The following SLCO1B3 variants were observed in gnomAD, a reference collection of about 807,000 sequenced individuals.
The protein encoded by SLCO1B3 is liver-specific organic anion transporter 2.
SLCO1B3 carries 72 observed loss-of-function variants against 71.8 expected under a neutral mutation model. That is an observed-to-expected ratio of 1.00 (90% CI 0.83 to 1.22). The LOEUF is 1.22. Ranked by LOEUF, SLCO1B3 falls within the 50% of genes most tolerant of loss-of-function variation. The pLI is 0.00. For synonymous variants in SLCO1B3, 298 were observed against 278.4 expected (o/e 1.07, Z -0.70); for missense variants, 911 against 819.7 (o/e 1.11, Z -1.36).
intron 3 of SLCO1B3, among the ~76,000 whole-genome samples, chr12:20,818,819 G>A (rs1316652609): frequency 9.2e-5 from 12 of 130,152 alleles, no homozygotes; most frequent in Non-Finnish European, 6.7e-5. Flanking sequence ...TGGGGAAATG[G>A]GATGAACATC....
At chr12:20,811,160 A>C (rs923172651) in intron 1 of SLCO1B3, among the ~76,000 whole-genome samples, 1 of 152,136 alleles carries the variant, frequency 6.6e-6, no homozygotes, top group Admixed American at 6.6e-5. Flanking sequence ...CTTTGATTTC[A>C]CTTTAACTGG....
intron 13 of SLCO1B3, among the ~76,000 whole-genome samples, chr12:20,888,224 A>G (rs1293269427): frequency 6.6e-6 from 1 of 151,858 alleles, no homozygotes; most frequent in Non-Finnish European, 1.5e-5. Context: ...GTTCCGTATG[A>G]ATTTTAGGAT....
intron 8 of SLCO1B3, among the ~76,000 whole-genome samples, chr12:20,866,069 C>T (rs1166767286): frequency 2.0e-5 from 3 of 152,016 alleles, no homozygotes; most frequent in South Asian, 2.1e-4. Flanking sequence ...GTGTTTTCTG[C>T]GTATTTTTCA....
chr12:20,898,431 T>G lies in SLCO1B3; in HGVS notation c.1683-5T>G. On this transcript the variant is annotated splice_polypyrimidine_tract_variant and splice_region_variant and intron_variant, in intron 13 of 15. Coordinates refer to ENST00000381545, the MANE Select transcript of SLCO1B3 (RefSeq NM_019844.4). Reference sequence around the variant, plus strand: ...TATTATTTCTTTGCCTTTATCATATTTCAGGATTGTTCAACCTGAATTGAA... The same window carrying G: ...TATTATTTCTTTGCCTTTATCATATGTCAGGATTGTTCAACCTGAATTGAA... 1 of 1,583,058 alleles carries G rather than the reference T, an allele frequency of 6.3e-7. No homozygotes were observed. Among genetic ancestry groups the G allele is most frequent in the Non-Finnish European group, 8.7e-7 (1 of 1,154,720 alleles).
rs1348249507 is a variant in SLCO1B3, at chr12:20,880,888, A to G, written c.1365A>G (p.Pro455=). The G allele has an allele frequency of 1.2e-6, 2 of 1,609,518 alleles. No individual in the cohort carries two copies. The highest frequency in any genetic ancestry group is 2.7e-5 in the African/African-American group (2 of 74,764). ...CAGTGGCATCTCATGTAGATGTACC[A>G]CTTTCTTATTGCAACTCAGAGTGCA... ...NNSVASHVDV[P]LSYCNSECNC... Residue 455 remains proline, a synonymous_variant, in exon 12 of 16, where the codon CCA becomes CCG. Transcript: ENST00000381545.
intron 3 of SLCO1B3, among the ~76,000 whole-genome samples, chr12:20,844,124 A>G (rs993398717): frequency 4.6e-5 from 7 of 152,018 alleles, no homozygotes; most frequent in Admixed American, 1.3e-4. Context: ...TATATATAGT[A>G]TATAAGTTGT....
intron 3 of SLCO1B3, among the ~76,000 whole-genome samples, chr12:20,852,905 T>G (rs547657707): frequency 2.0e-5 from 3 of 152,240 alleles, no homozygotes; most frequent in African/African-American, 7.2e-5. Flanking sequence ...TGAATGCATT[T>G]TATTTCTTTT....
At chr12:20,857,515 G>A (rs1865166012) in intron 4 of SLCO1B3, among the ~76,000 whole-genome samples, 1 of 151,064 alleles carries the variant, frequency 6.6e-6, no homozygotes, top group South Asian at 2.1e-4. Flanking sequence ...GTTCTAATTT[G>A]TAAATTTTTA....
intron 3 of SLCO1B3, among the ~76,000 whole-genome samples, chr12:20,819,433 C>A (rs893946519): frequency 6.6e-6 from 1 of 152,014 alleles, no homozygotes; most frequent in South Asian, 2.1e-4. Context: ...CAGGGTCAGT[C>A]CAAGTGAAAG....
At chr12:20,890,376 ATAT>A (rs960398782) in intron 13 of SLCO1B3, among the ~76,000 whole-genome samples, 3 of 152,132 alleles carry the variant, frequency 2.0e-5, no homozygotes, top group Non-Finnish European at 4.4e-5. Context: ...AAGGTACTTG[ATAT>A]TATTTTGAGT....
chr12:20,867,311 A>G (rs1327924916), intron 8 of SLCO1B3, among the ~76,000 whole-genome samples: 5 of 152,204 alleles, frequency 3.3e-5, no homozygotes, highest in African/African-American at 1.2e-4. Context: ...TTATGTAAAA[A>G]GCCACAAAAG....
intron 3 of SLCO1B3, among the ~76,000 whole-genome samples, chr12:20,840,148 T>G (rs1367208277): frequency 1.3e-5 from 2 of 152,208 alleles, no homozygotes; most frequent in Non-Finnish European, 2.9e-5. Context: ...CTGCCATATG[T>G]GAGTTTGGTC....
intron 3 of SLCO1B3, among the ~76,000 whole-genome samples, chr12:20,829,415 C>A (rs920447956): frequency 4.6e-5 from 7 of 151,942 alleles, no homozygotes; most frequent in Non-Finnish European, 8.8e-5. Context: ...TGTTGGTCTC[C>A]TTCATCATCA....
At chr12:20,882,624 G>A (rs909905012) in intron 12 of SLCO1B3, among the ~76,000 whole-genome samples, 31 of 151,972 alleles carry the variant, frequency 2.0e-4, no homozygotes, top group African/African-American at 5.1e-4. Context: ...CAGGCTGGTC[G>A]CAAACTCGTG....
chr12:20,829,798 G>A (rs1864502059), intron 3 of SLCO1B3, among the ~76,000 whole-genome samples: 1 of 152,088 alleles, frequency 6.6e-6, no homozygotes, highest in African/African-American at 2.4e-5. Context: ...CTAAACAAGG[G>A]GTGGATTATT....
intron 14 of SLCO1B3, among the ~76,000 whole-genome samples, chr12:20,899,466 A>T (rs1866083717): frequency 6.6e-6 from 1 of 152,218 alleles, no homozygotes; most frequent in Non-Finnish European, 1.5e-5. Flanking sequence ...CTCTATGGCC[A>T]AATTACCGTG....
intron 15 of SLCO1B3, among the ~76,000 whole-genome samples, chr12:20,915,511 A>G (rs1440004502): frequency 6.6e-6 from 1 of 152,168 alleles, no homozygotes; most frequent in Non-Finnish European, 1.5e-5. Flanking sequence ...GTCTTTTAGT[A>G]TGTGACTTGC....
chr12:20,829,165 A>T (rs1212977952), intron 3 of SLCO1B3, among the ~76,000 whole-genome samples: 1 of 152,212 alleles, frequency 6.6e-6, no homozygotes, highest in African/African-American at 2.4e-5. Context: ...AGTCAAACAA[A>T]CAGACAATTG....
chr12:20,846,851 C>G (rs958263482), intron 3 of SLCO1B3, among the ~76,000 whole-genome samples: 5 of 151,468 alleles, frequency 3.3e-5, no homozygotes, highest in Non-Finnish European at 7.4e-5. Flanking sequence ...CCGTATTACA[C>G]TAATGAACAG....
Sources: allele counts gnomAD v4.1 joint callset (sites outside exome capture counted in the v4.1 genomes callset), GRCh38; gene constraint gnomAD v4.1.1; transcripts MANE v1.5; gene names NCBI Gene and HGNC (gene_info 2026-07-23, HGNC 2026-07-21).